SLC27A5: variants seen among roughly 807,000 people sequenced by gnomAD.
SLC27A5 encodes the protein solute carrier family 27 member 5, also known as long-chain fatty acid transport protein 5.
Under a neutral mutation model 63.1 loss-of-function variants are expected in SLC27A5, and 47 were observed. The observed-to-expected ratio is 0.74, with a 90% CI of 0.59 to 0.95. SLC27A5 has a LOEUF of 0.95. SLC27A5 is among the 40% of genes least tolerant of loss of function. The pLI, the probability that SLC27A5 is intolerant of heterozygous loss-of-function variation, is 0.00. For synonymous variants in SLC27A5, 391 were observed against 403.8 expected, an observed-to-expected ratio of 0.97 and a Z score of 0.38; for missense variants, 940 against 921.0, an observed-to-expected ratio of 1.02 and a Z score of -0.27.
At chr19:58,502,739 A>C (rs535711944) in intron 3 of SLC27A5, among the ~76,000 whole-genome samples, 155 of 149,776 alleles carry the variant, frequency 1.0e-3, no homozygotes, top group African/African-American at 3.6e-3. Context: ...GGATGGGTGG[A>C]CAGTTAGAGT....
intron 6 of SLC27A5, 27 bp downstream of exon 6, chr19:58,500,312 C>T: frequency 6.3e-7 from 1 of 1,598,968 alleles, no homozygotes; most frequent in East Asian, 2.2e-5. Flanking sequence ...CCCCTGCCAC[C>T]CAGGAAAGGC....
chr19:58,510,100 T>A (rs1009228949), intron 2 of SLC27A5, 95 bp from the exon 3 acceptor site: 23 of 1,341,564 alleles, frequency 1.7e-5, no homozygotes, highest in Non-Finnish European at 2.1e-5. Context: ...CAGGCCTACA[T>A]TGGGGTTTGA....
At chr19:58,502,180 G>C (rs1200184405) in intron 3 of SLC27A5, among the ~76,000 whole-genome samples, 3 of 147,892 alleles carry the variant, frequency 2.0e-5, no homozygotes, top group Non-Finnish European at 4.4e-5. Context: ...AGATGGATGG[G>C]TGAACAGTTA....
At chr19:58,508,043 G>GT (rs2053366534) in intron 3 of SLC27A5, 1 of 152,080 alleles carries the variant, frequency 6.6e-6, no homozygotes, top group Non-Finnish European at 1.5e-5. Flanking sequence ...CAGTAGTTCC[G>GT]TTTTTTGCCC....
intron 3 of SLC27A5, chr19:58,507,506 AATTG>A (rs1244218099): frequency 6.6e-6 from 1 of 152,126 alleles, no homozygotes; most frequent in Non-Finnish European, 1.5e-5. Context: ...TAACTGTACA[AATTG>A]ATTGTAAAAT....
chr19:58,510,043 T>A (rs1393231804), intron 2 of SLC27A5, 38 bp from the exon 3 acceptor site: 2 of 1,599,902 alleles, frequency 1.3e-6, no homozygotes, highest in Admixed American at 1.7e-5. Context: ...GGTGGTGACA[T>A]GACAGCACAG....
intron 3 of SLC27A5, among the ~76,000 whole-genome samples, chr19:58,503,049 C>CA (rs1251687873): frequency 1.3e-5 from 2 of 151,908 alleles, no homozygotes; most frequent in African/African-American, 4.8e-5. Context: ...ACTGAAAATA[C>CA]AAAAAATTAG....
At chr19:58,503,696 C>T (rs1205264618) in intron 3 of SLC27A5, among the ~76,000 whole-genome samples, 1 of 151,836 alleles carries the variant, frequency 6.6e-6, no homozygotes, top group African/African-American at 2.4e-5. Flanking sequence ...TCTAACAACA[C>T]CTCTAGTTAA....
At position 58,499,521 on chromosome 19, in the gene SLC27A5, G is replaced by A; in HGVS notation, c.1638C>T (p.Tyr546=). ...VLAMDREGFL[Y]FRDRLGDTFR... is the part of the protein sequence containing the mutation. ...AGGTGTCCCCGAGGCGGTCGCGGAA[G>A]TAGAGGAAGCCTTCGCGGTCCATGG... The change falls in exon 7 of 10, where the codon TAC becomes TAT. Residue 546 remains tyrosine, a synonymous_variant. Coordinates refer to ENST00000263093, the MANE Select transcript of SLC27A5 (RefSeq NM_012254.3). 6.2e-7 allele frequency: 1 copy of A among 1,613,102 alleles called. No individual in the cohort carries two copies. Among genetic ancestry groups the A allele is most frequent in the Non-Finnish European group, 8.5e-7 (1 of 1,180,026 alleles).
chr19:58,502,943 A>C (rs2053298279), intron 3 of SLC27A5, among the ~76,000 whole-genome samples: 1 of 152,226 alleles, frequency 6.6e-6, no homozygotes, highest in East Asian at 1.9e-4. Flanking sequence ...GAGGATCGTC[A>C]CGCCTGTAAT....
intron 7 of SLC27A5, 106 bp from the exon 8 acceptor site, chr19:58,499,326 C>T (rs1187948370): frequency 1.5e-6 from 2 of 1,363,216 alleles, no homozygotes; most frequent in Non-Finnish European, 2.0e-6. Context: ...CAGTCAGCCC[C>T]GCCCCCTCGA....
intron 1 of SLC27A5, 53 bp from the exon 2 acceptor site, chr19:58,510,983 C>T (rs1175074720): frequency 2.1e-5 from 31 of 1,446,560 alleles, no homozygotes; most frequent in African/African-American, 1.3e-4. Flanking sequence ...TTTGAGGTTG[C>T]GAGGCGGGAT....
Position 58,500,408 on chromosome 19 carries a change from C to T in SLC27A5, c.1399G>A (p.Val467Met). The change falls in exon 6 of 10, where the codon GTG becomes ATG. Residue 467 changes from valine (V) to methionine (M), a missense_variant. Coordinates refer to ENST00000263093, the MANE Select transcript of SLC27A5 (RefSeq NM_012254.3). ...LLRMLSPFELVQFDMEAAEPV... is the reference protein window; with the variant it reads ...LLRMLSPFELMQFDMEAAEPV... ...TCCGCCGCCTCCATGTCGAACTGCACCAGCTCAAAGGGGGACAGCATCTGG... is the reference window on the plus strand; with the variant it reads ...TCCGCCGCCTCCATGTCGAACTGCATCAGCTCAAAGGGGGACAGCATCTGG... 6.2e-7 allele frequency: 1 copy of T among 1,613,826 alleles called. No individual in the cohort carries two copies. The highest frequency in any genetic ancestry group is 1.7e-5 in the Admixed American group (1 of 59,996).
chr19:58,510,743 G>A lies in SLC27A5; in HGVS notation c.876C>T (p.Phe292=), dbSNP rs1462672445. ...CACCAGTGGTCCCCGAGGTATAGAT[G>A]AAGAGGGCAGGGCTTCTCCATGTGA... The part of the protein sequence containing the change: ...AGITWRSPAL[F]IYTSGTTGLP... Residue 292 remains phenylalanine, a synonymous_variant, in exon 2 of 10, where the codon TTC becomes TTT. Transcript: ENST00000263093. 6.2e-7 allele frequency: 1 copy of A among 1,611,378 alleles called. No homozygotes were observed. Among genetic ancestry groups the A allele is most frequent in the East Asian group, 2.2e-5 (1 of 44,816 alleles).
chr19:58,501,055 G>T, intron 4 of SLC27A5: 2 of 1,238,228 alleles, frequency 1.6e-6, no homozygotes, highest in East Asian at 2.8e-5. Flanking sequence ...CTCATGATAG[G>T]GGTAGGGGCT....
chr19:58,511,098 A>G, intron 1 of SLC27A5, 168 bp from the exon 2 acceptor site: 2 of 945,622 alleles, frequency 2.1e-6, no homozygotes, highest in South Asian at 3.7e-5. Flanking sequence ...TTGTGGGAAA[A>G]TTAAACTCTG....
Position 58,511,900 on chromosome 19 carries a change from C to A in SLC27A5, c.56G>T (p.Gly19Val), listed in dbSNP as rs1431819854. 7.1e-6 allele frequency: 11 copies of A among 1,548,894 alleles called. No individual in the cohort carries two copies. The South Asian group carries it at 1.2e-4, about 17-fold the overall frequency. ...LLLLLLLLLW[G>V]LGQPVWPVAV... ...GACTGGCCACACTGGCTGCCCCAGG[C>A]CCCAGAGCAGGAGCAGCAGCAGCAG... is the stretch of plus-strand genomic sequence containing the variant. The change falls in exon 1 of 10, where the codon GGC becomes GTC. Residue 19 changes from glycine to valine, a missense_variant. Physicochemically the swap from Gly to Val is moderately radical, Grantham distance 109. Coordinates refer to ENST00000263093, the MANE Select transcript of SLC27A5 (RefSeq NM_012254.3).
At position 58,498,649 on chromosome 19, in the gene SLC27A5, G is replaced by C. The variant is rs2053236206; in HGVS notation, c.1939C>G (p.Arg647Gly). The C allele has an allele frequency of 1.9e-6, 3 of 1,614,120 alleles. No homozygotes were observed. Among genetic ancestry groups the C allele is most frequent in the East Asian group, 4.5e-5 (2 of 44,878 alleles). The change falls in exon 10 of 10, where the codon CGG (arginine) becomes GGG (glycine). Residue 647 changes from arginine to glycine, a missense_variant. Physicochemically the swap from Arg to Gly is moderately radical, Grantham distance 125. Coordinates refer to ENST00000263093, the MANE Select transcript of SLC27A5 (RefSeq NM_012254.3). ...ACATTGAAGCCCTCACGCACCAACC[G>C]GGTCTTCATCAGTTTGAACGTGCTG... Reference protein sequence around the residue: ...VTSTFKLMKTRLVREGFNVGI... With the variant: ...VTSTFKLMKTGLVREGFNVGI...
At chr19:58,501,116 A>G in intron 4 of SLC27A5, 170 bp downstream of exon 4, 1 of 1,220,732 alleles carries the variant, frequency 8.2e-7, no homozygotes, top group Non-Finnish European at 1.1e-6. Flanking sequence ...TAGCACAGCT[A>G]TCAAAGAAAC....
Sources: allele counts gnomAD v4.1 joint callset (sites outside exome capture counted in the v4.1 genomes callset), GRCh38; gene constraint gnomAD v4.1.1; transcripts MANE v1.5; gene names NCBI Gene and HGNC (gene_info 2026-07-23, HGNC 2026-07-21).